Variants in RGS21 observed in about 807,000 individuals in gnomAD.
RGS21 encodes regulator of G protein signaling 21.
In RGS21, 19 loss-of-function variants were observed where a neutral mutation model predicts 18.7. The ratio of observed to expected loss-of-function variants is 1.01; its 90% CI spans 0.71 to 1.49. The LOEUF (loss-of-function observed/expected upper bound fraction) is 1.49, where lower values mean the gene tolerates loss of function less well. Among genes scored for constraint, RGS21 ranks in the 40% most tolerant of loss-of-function variants. RGS21 has a pLI of 0.00. For missense variants in RGS21, 194 were observed against 176.8 expected, an observed-to-expected ratio of 1.10 and a Z score of -0.55; for synonymous variants, 56 against 57.8, an observed-to-expected ratio of 0.97 and a Z score of 0.14.
chr1:192,335,790 A>T (rs1462045784), intron 1 of RGS21, among the ~76,000 whole-genome samples: 1 of 152,176 alleles, frequency 6.6e-6, no homozygotes, highest in Non-Finnish European at 1.5e-5. Flanking sequence ...TTCCAAGTAG[A>T]AGAAATTTCA....
chr1:192,367,210 T>C lies in RGS21; in HGVS notation c.*1086T>C, dbSNP rs1659272389. On this transcript the variant is annotated 3_prime_UTR_variant, in exon 5 of 5. Transcript: ENST00000417209. Reference sequence around the variant, plus strand: ...AAATAGCATGGCTTATTTTATGTTTTCACAAACTACTCATTTGATAGACAA... The same window carrying C: ...AAATAGCATGGCTTATTTTATGTTTCCACAAACTACTCATTTGATAGACAA... 1 of 152,092 alleles carries C rather than the reference T, an allele frequency of 6.6e-6. No individual in the cohort carries two copies. Among genetic ancestry groups the C allele is most frequent in the South Asian group, 2.1e-4 (1 of 4,832 alleles). The allele number at this position is 152,092 out of a possible 1,614,324, so 9.4% of individuals were successfully genotyped here. A position where few individuals can be genotyped will look rare whatever the true frequency, so the allele number is the denominator to read the frequency against.
intron 2 of RGS21, among the ~76,000 whole-genome samples, chr1:192,344,287 G>A (rs542369831): frequency 3.3e-5 from 5 of 152,112 alleles, no homozygotes; most frequent in African/African-American, 1.2e-4. Flanking sequence ...CATGAATAAA[G>A]TACAAATATA....
rs1658893423 is a variant in RGS21 at position 192,342,974 on chromosome 1, C to T, written c.-60-3C>T. The stretch of plus-strand genomic sequence containing the variant: ...AATGTTCCTGCTGTCACATTACCTT[C>T]AGCTTGAAGATCAGTCAGAAAGAGA... On this transcript the variant is annotated splice_polypyrimidine_tract_variant and splice_region_variant and intron_variant, in intron 1 of 4. Transcript: ENST00000417209. 2 of 1,557,936 alleles carry T rather than the reference C, an allele frequency of 1.3e-6. No homozygotes were observed. The highest frequency in any genetic ancestry group is 2.7e-5 in the African/African-American group (2 of 73,838).
intron 2 of RGS21, 137 bp from the exon 3 acceptor site, chr1:192,347,176 T>C (rs1234416878): frequency 5.0e-6 from 3 of 597,182 alleles, no homozygotes; most frequent in East Asian, 2.7e-5. Context: ...GTAAATAGCA[T>C]TGTATAATTT....
At chr1:192,337,393 CTTT>C (rs992679414) in intron 1 of RGS21, among the ~76,000 whole-genome samples, 12 of 151,776 alleles carry the variant, frequency 7.9e-5, no homozygotes, top group South Asian at 4.2e-4. Flanking sequence ...AAAAAAATAA[CTTT>C]TTTATTTTTT....
At chr1:192,348,677 A>G (rs1658991346) in intron 3 of RGS21, among the ~76,000 whole-genome samples, 1 of 152,152 alleles carries the variant, frequency 6.6e-6, no homozygotes, top group Non-Finnish European at 1.5e-5. Flanking sequence ...TTACAAAGGT[A>G]TAACTTCTGT....
chr1:192,323,196 T>C (rs1658519742), intron 1 of RGS21, among the ~76,000 whole-genome samples: 1 of 152,162 alleles, frequency 6.6e-6, no homozygotes, highest in African/African-American at 2.4e-5. Flanking sequence ...GTGTAGTCAC[T>C]CCTTGTTTTA....
chr1:192,333,201 C>T (rs1571451998), intron 1 of RGS21, among the ~76,000 whole-genome samples: 1 of 151,370 alleles, frequency 6.6e-6, no homozygotes, highest in Non-Finnish European at 1.5e-5. Context: ...AGAAACAGTG[C>T]ACCTCTCATA....
At chr1:192,361,453 T>C (rs1659186354) in intron 4 of RGS21, among the ~76,000 whole-genome samples, 1 of 152,210 alleles carries the variant, frequency 6.6e-6, no homozygotes, top group Non-Finnish European at 1.5e-5. Context: ...TGAATCCATC[T>C]GTAGTGACAA....
chr1:192,331,322 G>C (rs938626339), intron 1 of RGS21, among the ~76,000 whole-genome samples: 1 of 152,122 alleles, frequency 6.6e-6, no homozygotes, highest in Non-Finnish European at 1.5e-5. Context: ...GGGAGGCCTA[G>C]GCAGGCAGAT....
At chr1:192,344,012 T>C (rs1453080650) in intron 2 of RGS21, among the ~76,000 whole-genome samples, 2 of 152,082 alleles carry the variant, frequency 1.3e-5, no homozygotes, top group African/African-American at 4.8e-5. Flanking sequence ...AGTTACATTT[T>C]TTAAAAACAG....
intron 3 of RGS21, among the ~76,000 whole-genome samples, chr1:192,351,807 CAT>C (rs1008012743): frequency 2.7e-5 from 4 of 145,726 alleles, no homozygotes; most frequent in African/African-American, 1.0e-4. Context: ...GCACATATAA[CAT>C]ATATGTGCTA....
chr1:192,359,347 G>A (rs1659152314), intron 4 of RGS21, among the ~76,000 whole-genome samples: 1 of 151,978 alleles, frequency 6.6e-6, no homozygotes, highest in Non-Finnish European at 1.5e-5. Context: ...CGAAGTCTAA[G>A]CTTCTCTGTA....
At chr1:192,329,914 T>C (rs1284211932) in intron 1 of RGS21, among the ~76,000 whole-genome samples, 1 of 152,200 alleles carries the variant, frequency 6.6e-6, no homozygotes, top group Admixed American at 6.5e-5. Flanking sequence ...ATTTCATCTT[T>C]TATACTTGTT....
Position 192,366,398 on chromosome 1 carries a change from A to G in RGS21, c.*274A>G. 3.7e-6 allele frequency: 1 copy of G among 267,094 alleles called. No individual in the cohort carries two copies. The highest frequency in any genetic ancestry group is 7.1e-6 in the Non-Finnish European group (1 of 140,998). 16.5% of individuals were successfully genotyped at this position (267,094 alleles called of 1,614,324 possible). On this transcript the variant is annotated 3_prime_UTR_variant, in exon 5 of 5. Transcript: ENST00000417209. ...AACCAAAACTGAATATTCTTATTAT[A>G]TTATAATGTAAGGAATTATACATAT... is the stretch of plus-strand genomic sequence containing the variant.
chr1:192,345,048 AC>A (rs1658927092), intron 2 of RGS21, among the ~76,000 whole-genome samples: 1 of 152,040 alleles, frequency 6.6e-6, no homozygotes, highest in African/African-American at 2.4e-5. Flanking sequence ...CATCTCCCAC[AC>A]TTTGCTTTCT....
intron 4 of RGS21, among the ~76,000 whole-genome samples, chr1:192,358,045 G>A (rs1007557143): frequency 6.6e-6 from 1 of 152,002 alleles, no homozygotes; most frequent in African/African-American, 2.4e-5. Flanking sequence ...AGGTCAATCT[G>A]ATTCCATTTC....
In RGS21 at chr1:192,366,227, A is replaced by AT. The variant is rs1292037257; in HGVS notation, c.*109dup. ...GTTTTGTTTTTAGGATTTAGAAAACATTTTTTACCCAAACAGATGAATAAC... is the reference window on the plus strand; with the variant it reads ...GTTTTGTTTTTAGGATTTAGAAAACATTTTTTTACCCAAACAGATGAATAAC... On this transcript the variant is annotated 3_prime_UTR_variant, in exon 5 of 5. Transcript: ENST00000417209. 2.8e-6 allele frequency: 2 copies of AT among 721,154 alleles called. No individual in the cohort carries two copies. Among genetic ancestry groups the AT allele is most frequent in the African/African-American group, 3.6e-5 (2 of 55,294 alleles). The allele number at this position is 721,154 out of a possible 1,614,324, so 44.7% of individuals were successfully genotyped here.
At chr1:192,343,114 T>C (rs928297828) in intron 2 of RGS21, 67 bp downstream of exon 2, 18 of 1,407,376 alleles carry the variant, frequency 1.3e-5, no homozygotes, top group Admixed American at 8.4e-5. Flanking sequence ...AGTCTTCTTT[T>C]AGTCTCGATG....
Sources: allele counts gnomAD v4.1 joint callset (sites outside exome capture counted in the v4.1 genomes callset), GRCh38; gene constraint gnomAD v4.1.1; transcripts MANE v1.5; gene names NCBI Gene and HGNC (gene_info 2026-07-23, HGNC 2026-07-21).